TRIQK: variants seen among roughly 807,000 people sequenced by gnomAD.
TRIQK encodes the protein triple QxxK/R motif containing, also known as triple QxxK/R motif-containing protein.
Under a neutral mutation model 10.8 loss-of-function variants are expected in TRIQK, and 10 were observed. The observed-to-expected ratio is 0.92, with a 90% CI of 0.57 to 1.57. The LOEUF is 1.57. Among genes scored for constraint, TRIQK ranks in the 40% most tolerant of loss-of-function variants. The pLI, the probability that TRIQK is intolerant of heterozygous loss-of-function variation, is 0.00. For synonymous variants in TRIQK, 33 were observed against 33.7 expected, an observed-to-expected ratio of 0.98 and a Z score of 0.07; for missense variants, 107 against 97.7, an observed-to-expected ratio of 1.09 and a Z score of -0.40.
At chr8:92,971,817 C>T (rs1197153722) in intron 1 of TRIQK, among the ~76,000 whole-genome samples, 1 of 151,970 alleles carries the variant, frequency 6.6e-6, no homozygotes, top group Admixed American at 6.6e-5. Flanking sequence ...TATATGGAAC[C>T]AAAAAAGAGC....
intron 4 of TRIQK, among the ~76,000 whole-genome samples, chr8:92,889,556 A>G (rs1373701378): frequency 1.3e-5 from 2 of 151,654 alleles, no homozygotes; most frequent in African/African-American, 4.8e-5. Context: ...TGGCAACACG[A>G]TGCACACTTT....
chr8:92,938,247 T>G (rs1446895737), intron 2 of TRIQK, among the ~76,000 whole-genome samples: 1 of 152,054 alleles, frequency 6.6e-6, no homozygotes, highest in East Asian at 1.9e-4. Flanking sequence ...GTTTACCTTT[T>G]TATATTTTAA....
chr8:92,905,133 T>G (rs185283683), intron 3 of TRIQK, among the ~76,000 whole-genome samples: 1 of 152,126 alleles, frequency 6.6e-6, no homozygotes, highest in Non-Finnish European at 1.5e-5. Flanking sequence ...CATAGAAGCA[T>G]CGTTCGTAAT....
intron 1 of TRIQK, among the ~76,000 whole-genome samples, chr8:93,008,231 T>A (rs191875331): frequency 6.6e-6 from 1 of 152,324 alleles, no homozygotes; most frequent in African/African-American, 2.4e-5. Context: ...CAAACCACCA[T>A]GGCACAAATT....
chr8:93,014,587 G>A (rs930440511), intron 1 of TRIQK, among the ~76,000 whole-genome samples: 1 of 151,960 alleles, frequency 6.6e-6, no homozygotes, highest in African/African-American at 2.4e-5. Flanking sequence ...GCTGTTTAGA[G>A]CACCAACCAA....
At chr8:92,969,909 C>G (rs1326015740), upstream of TRIQK, among the ~76,000 whole-genome samples, 1 of 152,026 alleles carries the variant, frequency 6.6e-6, no homozygotes, top group South Asian at 2.1e-4. Flanking sequence ...TTAAGCCCAG[C>G]ATGCATTAGT....
intron 3 of TRIQK, among the ~76,000 whole-genome samples, chr8:92,907,964 C>T (rs543287630): frequency 7.3e-4 from 111 of 152,150 alleles, no homozygotes; most frequent in African/African-American, 2.6e-3. Context: ...TAGGGATGGA[C>T]ACAGTCATTT....
Position 92,964,105 on chromosome 8 carries a change from T to C in TRIQK, c.-181+1902A>G, listed in dbSNP as rs536841818. 8.6e-4 allele frequency among the ~76,000 whole-genome samples: 130 copies of C among 151,776 alleles called. 3 individuals carry two copies. The highest frequency in any genetic ancestry group is 7.0e-4 in the African/African-American group (29 of 41,372). On this transcript the variant is annotated intron_variant, in intron 1 of 4. Transcript: ENST00000521988. Reference sequence around the variant, plus strand: ...TGCTCAAAAAAACAAAAAAGTACAATGGGAAAGGGGGCCCCAAAAGGGAAC... The same window carrying C: ...TGCTCAAAAAAACAAAAAAGTACAACGGGAAAGGGGGCCCCAAAAGGGAAC...
upstream of TRIQK, among the ~76,000 whole-genome samples, chr8:92,966,360 A>G (rs1002621704): frequency 1.3e-5 from 2 of 152,346 alleles, no homozygotes; most frequent in East Asian, 1.9e-4. Context: ...TATAAAACGG[A>G]AAAATATGTT....
In TRIQK at chr8:92,972,037, T is replaced by C. The variant is rs186990722; in HGVS notation, c.-180-17473A>G. On this transcript the variant is annotated intron_variant, in intron 1 of 4. Coordinates refer to the TRIQK transcript ENST00000520686. ...GCAATGTTGACCTTTTTATCTCTGG[T>C]TATACTTGGTGGTGAAGAATATTTG... Among the ~76,000 whole-genome samples the C allele has an allele frequency of 3.0e-3, 450 of 152,282 alleles. 5 individuals carry two copies. Among genetic ancestry groups the C allele is most frequent in the South Asian group, 0.02 (95 of 4,824 alleles).
At chr8:92,943,520 T>C (rs1285419765) in intron 2 of TRIQK, among the ~76,000 whole-genome samples, 2 of 152,008 alleles carry the variant, frequency 1.3e-5, no homozygotes, top group Non-Finnish European at 2.9e-5. Flanking sequence ...AATAAATCCA[T>C]ACACTTACAG....
At position 92,985,190 on chromosome 8, in the gene TRIQK, A is replaced by G. The variant is rs567446612; in HGVS notation, c.-180-30626T>C. Among the ~76,000 whole-genome samples, 11 of 151,566 alleles carry G rather than the reference A, an allele frequency of 7.3e-5. No individual in the cohort carries two copies. The South Asian group carries it at 2.3e-3, about 32-fold the overall frequency. Reference sequence around the variant, plus strand: ...AAGTTAAAGACCATTTCTTGAACACATAGTTGTTTTGGCTTATATGTGAGA... The same window carrying G: ...AAGTTAAAGACCATTTCTTGAACACGTAGTTGTTTTGGCTTATATGTGAGA... On this transcript the variant is annotated intron_variant, in intron 1 of 4. Transcript: ENST00000520686.
chr8:92,900,921 T>C (rs1303544288), intron 3 of TRIQK, among the ~76,000 whole-genome samples: 2 of 152,124 alleles, frequency 1.3e-5, no homozygotes, highest in African/African-American at 4.8e-5. Context: ...TTTTTATCAT[T>C]GTTTTATAGT....
intron 1 of TRIQK, among the ~76,000 whole-genome samples, chr8:93,000,042 T>C (rs1813192841): frequency 6.6e-6 from 1 of 152,168 alleles, no homozygotes; most frequent in Admixed American, 6.6e-5. Flanking sequence ...TATTTACTCA[T>C]TCTCCGTGAT....
At chr8:93,004,818 C>A (rs1361833009) in intron 1 of TRIQK, among the ~76,000 whole-genome samples, 11 of 152,236 alleles carry the variant, frequency 7.2e-5, no homozygotes, top group Non-Finnish European at 1.3e-4. Context: ...ATTGCTAAAG[C>A]ATAGCACAAG....
At chr8:92,933,496 G>A (rs1810835056) in intron 2 of TRIQK, among the ~76,000 whole-genome samples, 1 of 151,998 alleles carries the variant, frequency 6.6e-6, no homozygotes, top group Non-Finnish European at 1.5e-5. Context: ...TCCACGCTAT[G>A]GCAAGGAAAA....
intron 2 of TRIQK, among the ~76,000 whole-genome samples, chr8:92,940,413 G>T (rs1811210429): frequency 6.7e-6 from 1 of 150,142 alleles, no homozygotes; most frequent in South Asian, 2.1e-4. Context: ...CAAACAAACT[G>T]ATAGTGAAGT....
At chr8:92,980,975 T>C (rs1272022894) in intron 1 of TRIQK, among the ~76,000 whole-genome samples, 5 of 151,594 alleles carry the variant, frequency 3.3e-5, no homozygotes, top group Non-Finnish European at 7.4e-5. Flanking sequence ...TTATCTTTAT[T>C]ATTTTATAAT....
rs375290762 is a variant in TRIQK at position 92,956,534 on chromosome 8, T to C, written c.-180-1970A>G. 4.7e-4 allele frequency among the ~76,000 whole-genome samples: 71 copies of C among 151,916 alleles called. 3 individuals carry two copies. In the South Asian group the frequency reaches 0.014, roughly 31 times the overall value. On this transcript the variant is annotated intron_variant, in intron 1 of 4. Coordinates refer to ENST00000521988, the MANE Select transcript of TRIQK (RefSeq NM_001171797.2). The stretch of plus-strand genomic sequence containing the variant: ...TTTAAAATGATAAACTTTATGATTG[T>C]GAAATATAGCTCAATAAAGCTGTTA...
Sources: allele counts gnomAD v4.1 joint callset (sites outside exome capture counted in the v4.1 genomes callset), GRCh38; gene constraint gnomAD v4.1.1; transcripts MANE v1.5; gene names NCBI Gene and HGNC (gene_info 2026-07-23, HGNC 2026-07-21).